CADPS2: variants seen among roughly 807,000 people sequenced by gnomAD.
CADPS2 encodes the protein calcium-dependent secretion activator 2.
A neutral mutation model predicts 172.5 loss-of-function variants in CADPS2; 93 were observed. The ratio of observed to expected loss-of-function variants is 0.54; its 90% CI spans 0.46 to 0.64. CADPS2 has a LOEUF of 0.64. Ranked by LOEUF, CADPS2 falls within the 30% of genes least tolerant of loss-of-function variation. The pLI is 0.00. For missense variants in CADPS2, 1,420 were observed against 1,565.9 expected, an observed-to-expected ratio of 0.91 and a Z score of 1.57; for synonymous variants, 546 against 555.2, an observed-to-expected ratio of 0.98 and a Z score of 0.23.
chr7:122,791,996 T>C (rs932372550), intron 1 of CADPS2, among the ~76,000 whole-genome samples: 1 of 152,176 alleles, frequency 6.6e-6, no homozygotes, highest in Non-Finnish European at 1.5e-5. Flanking sequence ...AACAGATCAA[T>C]TCCCAGATAG....
intron 6 of CADPS2, among the ~76,000 whole-genome samples, chr7:122,599,473 G>A (rs1250945803): frequency 2.0e-5 from 3 of 152,004 alleles, no homozygotes; most frequent in Non-Finnish European, 4.4e-5. Flanking sequence ...CCAAGTCTCT[G>A]GCTAAGGAAT....
chr7:122,456,359 G>T (rs919964768), intron 14 of CADPS2, among the ~76,000 whole-genome samples: 2 of 151,908 alleles, frequency 1.3e-5, no homozygotes, highest in Admixed American at 6.6e-5. Flanking sequence ...ATATTAAAGT[G>T]GTTCTGATGA....
At chr7:122,829,478 C>G (rs1805862436) in intron 1 of CADPS2, among the ~76,000 whole-genome samples, 1 of 152,146 alleles carries the variant, frequency 6.6e-6, no homozygotes, top group Admixed American at 6.5e-5. Context: ...TCCTCAGATT[C>G]CTACTCTTGT....
At chr7:122,477,800 C>T (rs1483576135) in intron 12 of CADPS2, among the ~76,000 whole-genome samples, 2 of 152,076 alleles carry the variant, frequency 1.3e-5, no homozygotes, top group Non-Finnish European at 2.9e-5. Flanking sequence ...GACAGGGAAG[C>T]TAAAATCTAC....
At chr7:122,749,741 T>A (rs2092868297) in intron 1 of CADPS2, among the ~76,000 whole-genome samples, 1 of 152,048 alleles carries the variant, frequency 6.6e-6, no homozygotes, top group African/African-American at 2.4e-5. Flanking sequence ...CTTCAATACA[T>A]CATTGTTAAC....
At chr7:122,664,376 T>C (rs2080956613) in intron 2 of CADPS2, among the ~76,000 whole-genome samples, 1 of 152,128 alleles carries the variant, frequency 6.6e-6, no homozygotes, top group Non-Finnish European at 1.5e-5. Context: ...TGGAAAGCAA[T>C]ACCTCTAAGG....
intron 3 of CADPS2, among the ~76,000 whole-genome samples, chr7:122,633,808 C>T (rs1193090399): frequency 6.6e-6 from 1 of 152,054 alleles, no homozygotes. Context: ...CTTCTCCATC[C>T]AGTATGATAT....
At chr7:122,436,312 A>T in intron 17 of CADPS2, 1 of 1,163,640 alleles carries the variant, frequency 8.6e-7, no homozygotes, top group Non-Finnish European at 1.1e-6. Context: ...AAAATATCAC[A>T]CCACCACATG....
chr7:122,381,633 A>G (rs73717644), intron 24 of CADPS2, among the ~76,000 whole-genome samples: 7,430 of 152,208 alleles, frequency 0.049, 333 homozygotes, highest in African/African-American at 0.12. Context: ...TTTCTTGAAA[A>G]GCAGTGAAAG....
intron 8 of CADPS2, among the ~76,000 whole-genome samples, chr7:122,533,339 G>A (rs1330722707): frequency 2.0e-5 from 3 of 152,088 alleles, no homozygotes; most frequent in Non-Finnish European, 4.4e-5. Flanking sequence ...TTACCTGAAT[G>A]TATGTAACTC....
chr7:122,784,090 T>C (rs1563008317), intron 1 of CADPS2, among the ~76,000 whole-genome samples: 1 of 152,258 alleles, frequency 6.6e-6, no homozygotes, highest in Admixed American at 6.5e-5. Context: ...GGTATGACTC[T>C]ATTCTTTGAA....
At chr7:122,652,801 G>A (rs2079310133) in intron 3 of CADPS2, among the ~76,000 whole-genome samples, 1 of 151,516 alleles carries the variant, frequency 6.6e-6, no homozygotes, top group African/African-American at 2.4e-5. Flanking sequence ...TACTTACATT[G>A]TTTTTATTCT....
intron 22 of CADPS2, among the ~76,000 whole-genome samples, chr7:122,390,768 GC>G (rs1029801227): frequency 6.6e-6 from 1 of 151,974 alleles, no homozygotes; most frequent in Non-Finnish European, 1.5e-5. Context: ...CATATAACCT[GC>G]AATTTATTCA....
intron 29 of CADPS2, among the ~76,000 whole-genome samples, chr7:122,323,976 CTCT>C (rs2033270818): frequency 6.8e-6 from 1 of 146,396 alleles, no homozygotes. Context: ...CATTTGAAAG[CTCT>C]TCAAGTCACA....
intron 3 of CADPS2, among the ~76,000 whole-genome samples, chr7:122,640,397 C>T (rs1180752600): frequency 2.0e-5 from 3 of 151,868 alleles, no homozygotes; most frequent in African/African-American, 7.3e-5. Context: ...GAAACTCTGT[C>T]ACAGTGAAAA....
chr7:122,621,896 T>A (rs1023758058), intron 4 of CADPS2, among the ~76,000 whole-genome samples, 179 bp from the exon 5 acceptor site: 5 of 152,214 alleles, frequency 3.3e-5, no homozygotes, highest in African/African-American at 1.2e-4. Context: ...ATTATATCTA[T>A]GGTACTTCAG....
chr7:122,593,172 A>C (rs2071166694), intron 6 of CADPS2, among the ~76,000 whole-genome samples: 1 of 151,980 alleles, frequency 6.6e-6, no homozygotes, highest in African/African-American at 2.4e-5. Context: ...TTAAGACATC[A>C]AACTATACTA....
intron 8 of CADPS2, among the ~76,000 whole-genome samples, chr7:122,549,675 A>G (rs2064010528): frequency 6.6e-6 from 1 of 151,602 alleles, no homozygotes; most frequent in African/African-American, 2.4e-5. Context: ...AGTTCAAGGG[A>G]CTCAAGTAGG....
chr7:122,357,916 T>G (rs999079061), intron 27 of CADPS2, among the ~76,000 whole-genome samples: 2 of 152,178 alleles, frequency 1.3e-5, no homozygotes, highest in African/African-American at 4.8e-5. Context: ...TTTGGGTGAT[T>G]ATAAACAAAG....
Sources: gnomAD v4.1 joint callset for allele counts (sites outside exome capture counted in the v4.1 genomes callset) on GRCh38, gnomAD v4.1.1 for gene constraint, MANE v1.5 for transcripts, NCBI Gene and HGNC (gene_info 2026-07-23, HGNC 2026-07-21) for gene names.